Variants in PITPNM2 observed in about 807,000 individuals in gnomAD.
The protein encoded by PITPNM2 is phosphatidylinositol transfer protein membrane associated 2.
A neutral mutation model predicts 132.2 loss-of-function variants in PITPNM2; 35 were observed. That is an observed-to-expected ratio of 0.26 (90% CI 0.20 to 0.35). The LOEUF (loss-of-function observed/expected upper bound fraction) is 0.35. Among genes scored for constraint, PITPNM2 ranks in the 10% least tolerant of loss-of-function variants. The pLI, the probability that PITPNM2 is intolerant of heterozygous loss-of-function variation, is 1.00. For missense variants in PITPNM2, 1,332 were observed against 1,912.0 expected, an observed-to-expected ratio of 0.70 and a Z score of 5.66; for synonymous variants, 738 against 799.2, an observed-to-expected ratio of 0.92 and a Z score of 1.29.
intron 2 of PITPNM2, among the ~76,000 whole-genome samples, chr12:123,096,898 C>T (rs544282315): frequency 2.6e-5 from 4 of 152,294 alleles, no homozygotes; most frequent in African/African-American, 4.8e-5. Context: ...GCAGCAAAAA[C>T]GAGGCCCAGG....
At position 122,993,103 on chromosome 12, in the gene PITPNM2, A is replaced by G. The variant is rs1311916954; in HGVS notation, c.2234-434T>C. 6.6e-6 allele frequency among the ~76,000 whole-genome samples: 1 copy of G among 152,232 alleles called. No individual in the cohort carries two copies. The highest frequency in any genetic ancestry group is 1.5e-5 in the Non-Finnish European group (1 of 68,042). ...GGGCCTCCCAAAGTGCTGGGATTAC[A>G]GGCGTGAGCCACCACGCCTGACCTC... On this transcript the variant is annotated intron_variant, in intron 15 of 25. Coordinates refer to ENST00000320201, the MANE Select transcript of PITPNM2 (RefSeq NM_020845.3). The surrounding 1 kb of genome is among the most constrained non-coding windows in gnomAD (Gnocchi z 5.2).
chr12:123,068,841 A>G (rs545826991), intron 2 of PITPNM2, among the ~76,000 whole-genome samples: 59 of 152,328 alleles, frequency 3.9e-4, no homozygotes, highest in African/African-American at 1.3e-3. Flanking sequence ...TTCAAGGGAC[A>G]TGGTCAGGAC....
Position 123,011,312 on chromosome 12 carries a change from G to A in PITPNM2, c.416-1235C>T, listed in dbSNP as rs144585405. Among the ~76,000 whole-genome samples, 283 of 152,358 alleles carry A rather than the reference G, an allele frequency of 1.9e-3. 2 individuals are homozygous for A. The highest frequency in any genetic ancestry group is 2.5e-3 in the Non-Finnish European group (169 of 68,026). On this transcript the variant is annotated intron_variant, in intron 5 of 25. Coordinates refer to ENST00000320201, the MANE Select transcript of PITPNM2 (RefSeq NM_020845.3). ...TCAGCAGGGTCAGGAGCAAGTCTGA[G>A]GACCACAGAATGCCAGGAGGGATGA...
intron 2 of PITPNM2, among the ~76,000 whole-genome samples, chr12:123,051,699 T>C (rs2040860670): frequency 6.6e-6 from 1 of 152,204 alleles, no homozygotes. Context: ...TCAGTTATTT[T>C]TGACTAAGAA....
At chr12:123,143,574 G>A (rs2137683683) in intron 1 of PITPNM2, among the ~76,000 whole-genome samples, 1 of 152,288 alleles carries the variant, frequency 6.6e-6, no homozygotes, top group East Asian at 1.9e-4. Flanking sequence ...TGAGGCATGG[G>A]GGCCCCAGGA....
At chr12:123,012,805 G>A in intron 4 of PITPNM2, 71 bp from the exon 5 acceptor site, 1 of 1,576,780 alleles carries the variant, frequency 6.3e-7, no homozygotes, top group South Asian at 1.2e-5. Flanking sequence ...AGGGCCTGTT[G>A]ACCCACTGGG....
Position 123,083,070 on chromosome 12 carries a change from C to T in PITPNM2, c.-96+27315G>A, listed in dbSNP as rs751309916. On this transcript the variant is annotated intron_variant, in intron 2 of 25. Transcript: ENST00000320201. This position sits in a 1 kb window ranked among gnomAD's most constrained non-coding sequence, Gnocchi z 4.5. ...ATGTTCTTTTTAAAATATTGCCTGC[C>T]CAGGCACAGTACAGTAGCATACGCT... 6.6e-6 allele frequency: 1 copy of T among 152,140 alleles called. No individual in the cohort carries two copies. The highest frequency in any genetic ancestry group is 1.5e-5 in the Non-Finnish European group (1 of 68,048). 9.4% of individuals were successfully genotyped at this position (152,140 alleles called of 1,614,324 possible).
Position 123,062,855 on chromosome 12 carries a change from C to T in PITPNM2, c.-95-28170G>A, listed in dbSNP as rs143368814. Among the ~76,000 whole-genome samples, 290 of 152,300 alleles carry T rather than the reference C, an allele frequency of 1.9e-3. 1 individual carries two copies. The highest frequency in any genetic ancestry group is 6.8e-3 in the African/African-American group (283 of 41,554). ...TGTTTTCACCACATATCTGTGTGAA[C>T]CAACTGCATATCACCCCTGCTTCAC... On this transcript the variant is annotated intron_variant, in intron 2 of 25. Coordinates refer to ENST00000320201, the MANE Select transcript of PITPNM2 (RefSeq NM_020845.3).
intron 2 of PITPNM2, among the ~76,000 whole-genome samples, chr12:123,074,049 T>C (rs1413413637): frequency 6.6e-6 from 1 of 152,088 alleles, no homozygotes; most frequent in African/African-American, 2.4e-5. Context: ...GCAGAGCAGG[T>C]TGCATGTATA....
rs2041134503 is a variant in PITPNM2 at position 123,058,934 on chromosome 12, C to G, written c.-95-24249G>C. On this transcript the variant is annotated intron_variant, in intron 2 of 25. Coordinates refer to ENST00000320201, the MANE Select transcript of PITPNM2 (RefSeq NM_020845.3). The surrounding 1 kb of genome is among the most constrained non-coding windows in gnomAD (Gnocchi z 4.0). ...ATTGAGAGCACCTCAGCCCCAGCTC[C>G]CACCACACCCCATTCCCATTGTCTG... Among the ~76,000 whole-genome samples, 1 of 152,124 alleles carries G rather than the reference C, an allele frequency of 6.6e-6. No homozygotes were observed.
Position 123,009,700 on chromosome 12 carries a change from G to T in PITPNM2, c.643+150C>A. The T allele has an allele frequency of 1.4e-6, 1 of 720,474 alleles. No homozygotes were observed. 44.6% of individuals were successfully genotyped at this position (720,474 alleles called of 1,614,324 possible). A position where few individuals can be genotyped will look rare whatever the true frequency, so the allele number is the denominator to read the frequency against. On this transcript the variant is annotated intron_variant, in intron 6 of 25. Transcript: ENST00000320201. This position sits in a 1 kb window ranked among gnomAD's most constrained non-coding sequence, Gnocchi z 4.8. ...ATGGCTGGCGGGTAGTGGGGAAGCT[G>T]GACATGGGCTTTGGTGTCACCTTCC...
chr12:123,084,769 T>C (rs1205431755), intron 2 of PITPNM2: 1 of 152,166 alleles, frequency 6.6e-6, no homozygotes, highest in Non-Finnish European at 1.5e-5. Flanking sequence ...TTTCCTCCAT[T>C]AAATTAAAAA....
At chr12:123,041,496 T>C (rs919601091) in intron 2 of PITPNM2, among the ~76,000 whole-genome samples, 2 of 152,148 alleles carry the variant, frequency 1.3e-5, no homozygotes, top group African/African-American at 4.8e-5. Flanking sequence ...CCAGGGAGCA[T>C]GGCAGACCCT....
At position 122,989,887 on chromosome 12, in the gene PITPNM2, G is replaced by A. The variant is rs533042708; in HGVS notation, c.2631C>T (p.Pro877=). 1.5e-4 allele frequency: 203 copies of A among 1,328,082 alleles called. No homozygotes were observed. The East Asian group carries it at 4.9e-3, about 32-fold the overall frequency. The allele number at this position is 1,328,082 out of a possible 1,614,324, so 82.3% of individuals were successfully genotyped here. A position where few individuals can be genotyped will look rare whatever the true frequency, so the allele number is the denominator to read the frequency against. The change falls in exon 18 of 26, where the codon CCC becomes CCT. Residue 877 remains proline, a synonymous_variant. Coordinates refer to ENST00000320201, the MANE Select transcript of PITPNM2 (RefSeq NM_020845.3). ...SVRRLSLLAL[P]APSPTTPGPH... is the part of the protein sequence containing the mutation. ...GGCCAGGGGTGGTGGGGCTGGGGGC[G>A]GGCAGGGCGAGCAGGGACAGACGCC... is the stretch of plus-strand genomic sequence containing the variant.
intron 1 of PITPNM2, among the ~76,000 whole-genome samples, chr12:123,144,495 G>A (rs144222359): frequency 6.6e-4 from 101 of 152,298 alleles, no homozygotes; most frequent in East Asian, 4.1e-3. Context: ...GCAGGGGCAC[G>A]ATCTCGGCTC....
chr12:123,069,502 G>A (rs2041556586), intron 2 of PITPNM2, among the ~76,000 whole-genome samples: 1 of 152,156 alleles, frequency 6.6e-6, no homozygotes, highest in Admixed American at 6.5e-5. Flanking sequence ...CCTCTCCTGG[G>A]CTTGCTGGGG....
rs760005120 is a variant in PITPNM2 at position 122,995,595 on chromosome 12, GCCACCGCCA to G, written c.1839_1847del (p.Gly620_Gly622del). 8 of 1,600,892 alleles carry G rather than the reference GCCACCGCCA, an allele frequency of 5.0e-6. No individual in the cohort carries two copies. The highest frequency in any genetic ancestry group is 4.2e-5 in the African/African-American group (3 of 71,760). On this transcript the variant is annotated inframe_deletion, in exon 14 of 26. Coordinates refer to ENST00000320201, the MANE Select transcript of PITPNM2 (RefSeq NM_020845.3). ...CACTGCTGCCACCACCGCCACCGCC[GCCACCGCCA>G]CCACCGCAGCAGTGTGCTGCATTCA...
At chr12:123,016,021 G>C (rs948787099) in intron 3 of PITPNM2, among the ~76,000 whole-genome samples, 4 of 152,146 alleles carry the variant, frequency 2.6e-5, no homozygotes, top group Admixed American at 2.0e-4. Context: ...CATTAGGAAA[G>C]TGCAAATCAA....
chr12:123,002,118 A>T (rs1594135816), intron 8 of PITPNM2, among the ~76,000 whole-genome samples: 2 of 151,118 alleles, frequency 1.3e-5, no homozygotes, highest in African/African-American at 2.4e-5. Flanking sequence ...CAGGTGGATC[A>T]CCTGAGGTCA....
Sources: allele counts gnomAD v4.1 joint callset (sites outside exome capture counted in the v4.1 genomes callset), GRCh38; gene constraint gnomAD v4.1.1; non-coding constraint Gnocchi (gnomAD v3.1); transcripts MANE v1.5; gene names NCBI Gene and HGNC (gene_info 2026-07-23, HGNC 2026-07-21).